Variants in TRPM3 observed in about 807,000 individuals in gnomAD.
TRPM3 encodes transient receptor potential cation channel subfamily M member 3.
TRPM3 carries 77 observed loss-of-function variants against 181.2 expected under a neutral mutation model. The observed-to-expected ratio is 0.42, with a 90% confidence interval of 0.35 to 0.51. The LOEUF (loss-of-function observed/expected upper bound fraction) is 0.51. TRPM3 is among the 20% of genes least tolerant of loss of function. The probability of loss-of-function intolerance (pLI) is 0.01; values close to 1 mark genes in which losing one functional copy is unlikely to be tolerated. For synonymous variants in TRPM3, 745 were observed against 796.4 expected, an observed-to-expected ratio of 0.94 and a Z score of 1.09; for missense variants, 1,759 against 2,196.7, an observed-to-expected ratio of 0.80 and a Z score of 3.98.
chr9:71,186,639 T>C (rs1203490164), intron 1 of TRPM3, among the ~76,000 whole-genome samples: 1 of 152,092 alleles, frequency 6.6e-6, no homozygotes, highest in Non-Finnish European at 1.5e-5. Context: ...GGGATGAAGT[T>C]TGTTAGGATT....
chr9:70,961,039 A>G (rs904371710), intron 1 of TRPM3, among the ~76,000 whole-genome samples: 4 of 152,192 alleles, frequency 2.6e-5, no homozygotes, highest in Non-Finnish European at 5.9e-5. Flanking sequence ...ACATGGCAAG[A>G]GGGATTTTGC....
At chr9:70,700,076 G>C (rs938780019) in intron 8 of TRPM3, among the ~76,000 whole-genome samples, 1 of 152,100 alleles carries the variant, frequency 6.6e-6, no homozygotes, top group African/African-American at 2.4e-5. Context: ...TCCGCCTCCC[G>C]GGTTCAAGCG....
At chr9:70,683,949 A>T (rs982518043) in intron 8 of TRPM3, among the ~76,000 whole-genome samples, 2 of 152,202 alleles carry the variant, frequency 1.3e-5, no homozygotes, top group African/African-American at 2.4e-5. Flanking sequence ...GGTCTGAAAG[A>T]TATTATCATG....
chr9:71,262,280 C>T (rs1251831656), intron 1 of TRPM3, among the ~76,000 whole-genome samples: 2 of 152,144 alleles, frequency 1.3e-5, no homozygotes, highest in Admixed American at 1.3e-4. Context: ...TGGGCTCCAA[C>T]CTGTCCGGAC....
At chr9:71,149,063 A>C (rs1244997207) in intron 1 of TRPM3, among the ~76,000 whole-genome samples, 1 of 152,136 alleles carries the variant, frequency 6.6e-6, no homozygotes, top group Non-Finnish European at 1.5e-5. Context: ...AAATGTAATC[A>C]ACCAATTGTA....
intron 1 of TRPM3, among the ~76,000 whole-genome samples, chr9:70,927,218 T>A (rs1322094520): frequency 6.6e-6 from 1 of 152,234 alleles, no homozygotes; most frequent in Non-Finnish European, 1.5e-5. Flanking sequence ...GAATGTTATC[T>A]TATATAGAAG....
chr9:71,335,952 T>A (rs1488557604), intron 1 of TRPM3, among the ~76,000 whole-genome samples: 1 of 152,102 alleles, frequency 6.6e-6, no homozygotes, highest in African/African-American at 2.4e-5. Flanking sequence ...GTGAGATTGA[T>A]CAGTCCAGGA....
At chr9:70,657,318 T>A (rs1042069612) in intron 9 of TRPM3, among the ~76,000 whole-genome samples, 1 of 150,890 alleles carries the variant, frequency 6.6e-6, no homozygotes, top group African/African-American at 2.4e-5. Context: ...AAGTTCAACT[T>A]TTATTGCATC....
At chr9:70,754,330 C>T (rs1302036962) in intron 8 of TRPM3, among the ~76,000 whole-genome samples, 1 of 152,080 alleles carries the variant, frequency 6.6e-6, no homozygotes, top group Admixed American at 6.6e-5. Context: ...CATCTGTTCC[C>T]CAATGAATAT....
chr9:71,002,777 TAGATA>T (rs777273806), intron 1 of TRPM3, among the ~76,000 whole-genome samples: 4 of 152,190 alleles, frequency 2.6e-5, no homozygotes, highest in Admixed American at 6.5e-5. Flanking sequence ...ATGCAAGTTG[TAGATA>T]AGATGATACT....
At chr9:71,030,025 C>T (rs1379542498) in intron 1 of TRPM3, among the ~76,000 whole-genome samples, 2 of 152,156 alleles carry the variant, frequency 1.3e-5, no homozygotes, top group East Asian at 3.9e-4. Context: ...TTCACATTCT[C>T]TTTCAACTGA....
chr9:71,166,688 T>C (rs2076556344), intron 1 of TRPM3, among the ~76,000 whole-genome samples: 1 of 152,228 alleles, frequency 6.6e-6, no homozygotes, highest in Admixed American at 6.5e-5. Context: ...TTCATGGCCA[T>C]GTAGTCTTTA....
At chr9:70,592,256 G>A (rs191470598) in intron 21 of TRPM3, among the ~76,000 whole-genome samples, 13 of 152,232 alleles carry the variant, frequency 8.5e-5, no homozygotes, top group Admixed American at 8.5e-4. Flanking sequence ...ACTGGCCCCG[G>A]CAAGAGTGAT....
At chr9:71,021,103 G>A (rs757524086) in intron 1 of TRPM3, among the ~76,000 whole-genome samples, 1 of 152,116 alleles carries the variant, frequency 6.6e-6, no homozygotes, top group Non-Finnish European at 1.5e-5. Flanking sequence ...CTAACCTAAT[G>A]TTAAGTAAAA....
chr9:71,078,976 T>G (rs899457078), intron 1 of TRPM3, among the ~76,000 whole-genome samples: 1 of 152,060 alleles, frequency 6.6e-6, no homozygotes, highest in Admixed American at 6.6e-5. Flanking sequence ...AACCTCAGAA[T>G]CCTTCTCAAG....
upstream of TRPM3, among the ~76,000 whole-genome samples, chr9:71,122,015 CTG>C (rs983361555): frequency 2.2e-4 from 33 of 152,178 alleles, no homozygotes; most frequent in African/African-American, 7.0e-4. Context: ...ATGACAGACA[CTG>C]AGACAGAAGC....
intron 1 of TRPM3, among the ~76,000 whole-genome samples, chr9:71,342,442 G>T (rs184596372): frequency 6.6e-6 from 1 of 151,360 alleles, no homozygotes; most frequent in Admixed American, 6.6e-5. Context: ...AATAAATTAT[G>T]ATACAATTAC....
intron 7 of TRPM3, among the ~76,000 whole-genome samples, chr9:70,779,832 G>T (rs1413467000): frequency 6.6e-6 from 1 of 152,068 alleles, no homozygotes; most frequent in Non-Finnish European, 1.5e-5. Flanking sequence ...ATTAATTAGT[G>T]ACTCATTCTA....
At chr9:71,223,431 G>A (rs2080367407) in intron 1 of TRPM3, among the ~76,000 whole-genome samples, 1 of 152,220 alleles carries the variant, frequency 6.6e-6, no homozygotes, top group Non-Finnish European at 1.5e-5. Context: ...TGGGCCTTCG[G>A]TGAGACTCTG....
Sources: allele counts gnomAD v4.1 joint callset (sites outside exome capture counted in the v4.1 genomes callset), GRCh38; gene constraint gnomAD v4.1.1; transcripts MANE v1.5; gene names NCBI Gene and HGNC (gene_info 2026-07-23, HGNC 2026-07-21).